The following ACSS3 variants were observed in gnomAD, a reference collection of about 807,000 sequenced individuals.
The protein encoded by ACSS3 is acyl-CoA synthetase short chain family member 3.
A neutral mutation model predicts 84.2 loss-of-function variants in ACSS3; 64 were observed. The ratio of observed to expected loss-of-function variants is 0.76; its 90% CI spans 0.62 to 0.94. ACSS3 has a LOEUF of 0.94. ACSS3 is among the 40% of genes least tolerant of loss of function. The pLI, the probability that ACSS3 is intolerant of heterozygous loss-of-function variation, is 0.00. For synonymous variants in ACSS3, 317 were observed against 310.1 expected, an observed-to-expected ratio of 1.02 and a Z score of -0.23; for missense variants, 815 against 867.6, an observed-to-expected ratio of 0.94 and a Z score of 0.76.
At chr12:81,169,243 AAG>A (rs1887544228) in intron 7 of ACSS3, among the ~76,000 whole-genome samples, 1 of 152,220 alleles carries the variant, frequency 6.6e-6, no homozygotes, top group Non-Finnish European at 1.5e-5. Flanking sequence ...AGAATCAAGG[AAG>A]TCAGTCTGAT....
In ACSS3 at chr12:81,256,726, G is replaced by A. The variant is rs999900172; in HGVS notation, c.*1804G>A. 1 of 152,064 alleles carries A rather than the reference G, an allele frequency of 6.6e-6. No individual in the cohort carries two copies. The highest frequency in any genetic ancestry group is 2.4e-5 in the African/African-American group (1 of 41,434). 9.4% of individuals were successfully genotyped at this position (152,064 alleles called of 1,614,324 possible). The stretch of plus-strand genomic sequence containing the variant: ...TGAAAATGTTGACTTTTTTTGGACT[G>A]AAGACTGCAAAATAAATGGCTTCTC... On this transcript the variant is annotated 3_prime_UTR_variant, in exon 16 of 16. Coordinates refer to ENST00000548058, the MANE Select transcript of ACSS3 (RefSeq NM_024560.4).
intron 8 of ACSS3, among the ~76,000 whole-genome samples, chr12:81,189,744 C>G (rs931927072): frequency 6.6e-6 from 1 of 152,034 alleles, no homozygotes; most frequent in African/African-American, 2.4e-5. Context: ...CTTTTCAAGT[C>G]TTATTTAAGA....
chr12:81,109,439 G>A, intron 1 of ACSS3, 121 bp from the exon 2 acceptor site: 1 of 1,058,698 alleles, frequency 9.4e-7, no homozygotes, highest in South Asian at 2.0e-5. Context: ...ACTTGACATA[G>A]AATGCACTAG....
At chr12:81,213,538 C>T (rs1410545981) in intron 9 of ACSS3, among the ~76,000 whole-genome samples, 2 of 149,750 alleles carry the variant, frequency 1.3e-5, no homozygotes, top group Non-Finnish European at 3.0e-5. Flanking sequence ...TTCTACAAGT[C>T]ACTAGCAATA....
At chr12:81,081,555 C>T (rs1880979230) in intron 1 of ACSS3, among the ~76,000 whole-genome samples, 1 of 152,178 alleles carries the variant, frequency 6.6e-6, no homozygotes, top group East Asian at 1.9e-4. Context: ...GATAGACATC[C>T]TGCTGCCTGT....
At chr12:81,082,498 TTCCAGGGAAAGAAAA>T (rs1373466472) in intron 1 of ACSS3, among the ~76,000 whole-genome samples, 1 of 152,084 alleles carries the variant, frequency 6.6e-6, no homozygotes, top group African/African-American at 2.4e-5. Context: ...GGGAGGAACA[TTCCAGGGAAAGAAAA>T]TAGCATATGC....
chr12:81,170,103 GGATTA>G (rs2029924445), intron 7 of ACSS3, among the ~76,000 whole-genome samples: 1 of 152,078 alleles, frequency 6.6e-6, no homozygotes, highest in African/African-American at 2.4e-5. Flanking sequence ...TGGAATCATA[GGATTA>G]ATCATAGGAT....
At chr12:81,143,045 T>C (rs1886166248) in intron 4 of ACSS3, 62 bp from the exon 5 acceptor site, 1 of 1,420,060 alleles carries the variant, frequency 7.0e-7, no homozygotes, top group South Asian at 1.7e-5. Context: ...ATTTAGCTAC[T>C]TTTTGTTCTC....
In ACSS3 at chr12:81,143,071, T is replaced by C. The variant is rs559503919; in HGVS notation, c.781-36T>C. 19 of 1,578,906 alleles carry C rather than the reference T, an allele frequency of 1.2e-5. 1 individual carries two copies. In the African/African-American group the frequency reaches 2.6e-4, roughly 21 times the overall value. On this transcript the variant is annotated intron_variant, in intron 4 of 15. Coordinates refer to ENST00000548058, the MANE Select transcript of ACSS3 (RefSeq NM_024560.4). ...TTTTGTTCTCTTGATTTAATCTCCT[T>C]ATTACAGTACATATTCTTATATTTT...
At chr12:81,226,065 T>C (rs1166338196) in intron 11 of ACSS3, among the ~76,000 whole-genome samples, 1 of 151,934 alleles carries the variant, frequency 6.6e-6, no homozygotes, top group Non-Finnish European at 1.5e-5. Flanking sequence ...TTACTGTCTC[T>C]ACTTACTTCC....
At chr12:81,180,405 T>G (rs1351002371) in intron 8 of ACSS3, among the ~76,000 whole-genome samples, 1 of 152,220 alleles carries the variant, frequency 6.6e-6, no homozygotes, top group Non-Finnish European at 1.5e-5. Context: ...AAATATTTTA[T>G]TTTTGTTTTG....
At chr12:81,210,506 A>G (rs544158874) in intron 9 of ACSS3, among the ~76,000 whole-genome samples, 1 of 147,398 alleles carries the variant, frequency 6.8e-6, no homozygotes, top group South Asian at 2.2e-4. Flanking sequence ...ATAAGTAAAA[A>G]CTATCCCAAG....
chr12:81,223,594 A>T (rs1409403640), intron 11 of ACSS3, among the ~76,000 whole-genome samples: 1 of 152,052 alleles, frequency 6.6e-6, no homozygotes, highest in African/African-American at 2.4e-5. Context: ...CATTGTAGAC[A>T]TAACAAAGTA....
chr12:81,225,931 T>G (rs938611275), intron 11 of ACSS3, among the ~76,000 whole-genome samples: 1 of 151,894 alleles, frequency 6.6e-6, no homozygotes, highest in African/African-American at 2.4e-5. Flanking sequence ...CTCCATCCTC[T>G]CTCTCCACTG....
At chr12:81,188,298 T>G (rs1318424183) in intron 8 of ACSS3, among the ~76,000 whole-genome samples, 1 of 152,042 alleles carries the variant, frequency 6.6e-6, no homozygotes, top group Non-Finnish European at 1.5e-5. Context: ...GTCATTACTT[T>G]AAAAAATATT....
intron 11 of ACSS3, among the ~76,000 whole-genome samples, chr12:81,225,231 C>T (rs560917932): frequency 6.6e-6 from 1 of 151,482 alleles, no homozygotes; most frequent in African/African-American, 2.4e-5. Flanking sequence ...ATCCTTTTTT[C>T]TTCTCCCCTT....
At chr12:81,151,768 A>T in intron 5 of ACSS3, 76 bp from the exon 6 acceptor site, 1 of 1,315,588 alleles carries the variant, frequency 7.6e-7, no homozygotes, top group Non-Finnish European at 1.1e-6. Flanking sequence ...AGGAACTTTT[A>T]AAGTGGATGC....
rs572287949 is a variant in ACSS3, at chr12:81,123,863, A to G, written c.457-10953A>G. Among the ~76,000 whole-genome samples the G allele has an allele frequency of 1.2e-4, 19 of 152,178 alleles. No individual in the cohort carries two copies. The South Asian group carries it at 3.9e-3, about 32-fold the overall frequency. The stretch of plus-strand genomic sequence containing the variant: ...GTACCACATTTTCTTTATCCAGTCC[A>G]CCATTGGTGGGTATCTAGGTTGACT... On this transcript the variant is annotated intron_variant, in intron 2 of 15. Transcript: ENST00000548058.
chr12:81,246,634 T>G (rs1460128658), intron 13 of ACSS3, among the ~76,000 whole-genome samples: 2 of 152,240 alleles, frequency 1.3e-5, no homozygotes. Flanking sequence ...TTGTGGAAGA[T>G]ATAAGTTACT....
Sources: gnomAD v4.1 joint callset for allele counts (sites outside exome capture counted in the v4.1 genomes callset) on GRCh38, gnomAD v4.1.1 for gene constraint, MANE v1.5 for transcripts, NCBI Gene and HGNC (gene_info 2026-07-23, HGNC 2026-07-21) for gene names.